Variants in PCM1 observed in about 807,000 individuals in gnomAD.
PCM1 encodes the protein pericentriolar material 1.
A neutral mutation model predicts 241.9 loss-of-function variants in PCM1; 157 were observed. The ratio of observed to expected loss-of-function variants is 0.65; its 90% confidence interval spans 0.57 to 0.74. The LOEUF is 0.74. PCM1 is among the 30% of genes least tolerant of loss of function. PCM1 has a pLI of 0.00. For synonymous variants in PCM1, 1,085 were observed against 784.9 expected (o/e 1.38, Z -6.39); for missense variants, 3,478 against 2,360.1 (o/e 1.47, Z -9.81).
intron 6 of PCM1, among the ~76,000 whole-genome samples, chr8:17,941,753 A>C (rs557407695): frequency 2.2e-4 from 33 of 152,020 alleles, no homozygotes; most frequent in African/African-American, 7.7e-4. Flanking sequence ...ACAAGTCCAA[A>C]AGGGAAAGGT....
intron 29 of PCM1, among the ~76,000 whole-genome samples, chr8:18,005,724 C>G (rs1250462600): frequency 6.6e-6 from 1 of 151,990 alleles, no homozygotes; most frequent in African/African-American, 2.4e-5. Context: ...TTCAGAATGT[C>G]TAAAGGTATT....
At chr8:17,950,938 A>G (rs775619531) in intron 8 of PCM1, among the ~76,000 whole-genome samples, 11 of 152,246 alleles carry the variant, frequency 7.2e-5, no homozygotes, top group Admixed American at 2.0e-4. Flanking sequence ...CCTGGGGACT[A>G]TACTTTAAGA....
Position 17,967,273 on chromosome 8 carries a change from G to A in PCM1, c.3412+103G>A, listed in dbSNP as rs141290560. The A allele has an allele frequency of 6.4e-4, 492 of 768,856 alleles. 1 individual carries two copies. The East Asian group carries it at 9.8e-3, about 15-fold the overall frequency. The allele number at this position is 768,856 out of a possible 1,614,324, so 47.6% of individuals were successfully genotyped here. A position where few individuals can be genotyped will look rare whatever the true frequency, so the allele number is the denominator to read the frequency against. On this transcript the variant is annotated intron_variant, in intron 21 of 38. Transcript: ENST00000325083. ...TTTTAACATTTTCTTTTGGAGTGGG[G>A]TAGGAAATGTTTGCAAAGAAAGTTA...
rs57224845 is a variant in PCM1 at position 17,960,533 on chromosome 8, C to CT, written c.2322+98dup. Reference sequence around the variant, plus strand: ...AGTACTCTTTTTTGTTTTTGTTTTTCTTTTTTTTTGAGGCAGAGTCTCACT... The same window carrying CT: ...AGTACTCTTTTTTGTTTTTGTTTTTCTTTTTTTTTTGAGGCAGAGTCTCACT... On this transcript the variant is annotated intron_variant, in intron 15 of 38. Coordinates refer to ENST00000325083, the MANE Select transcript of PCM1 (RefSeq NM_006197.4). 7.0e-4 allele frequency: 422 copies of CT among 604,126 alleles called. 7 individuals are homozygous for CT. The highest frequency in any genetic ancestry group is 2.3e-3 in the African/African-American group (97 of 42,352). The allele number at this position is 604,126 out of a possible 1,614,324, so 37.4% of individuals were successfully genotyped here.
chr8:18,011,752 A>C lies in PCM1; in HGVS notation c.5436A>C (p.Glu1812Asp). The change falls in exon 34 of 39, where the codon GAA (glutamate) becomes GAC (aspartate). Residue 1812 changes from glutamate (E) to aspartate (D), a missense_variant. Glu to Asp is a conservative substitution (Grantham distance 45). Transcript: ENST00000325083. ...AGGATGAAGAAATGGAAGAATTTGA[A>C]GAAGGCCCTGTGGATGTCCAGACTT... is the stretch of plus-strand genomic sequence containing the variant. ...ENEDEEMEEF[E>D]EGPVDVQTSL... is the part of the protein sequence containing the mutation. 1 of 1,613,844 alleles carries C rather than the reference A, an allele frequency of 6.2e-7. No homozygotes were observed. Among genetic ancestry groups the C allele is most frequent in the Non-Finnish European group, 8.5e-7 (1 of 1,179,796 alleles).
Position 18,009,546 on chromosome 8 carries a change from G to C in PCM1, c.4963-1G>C. On this transcript the variant is annotated splice_acceptor_variant, in intron 30 of 38. Coordinates refer to ENST00000325083, the MANE Select transcript of PCM1 (RefSeq NM_006197.4). LOFTEE classifies it high-confidence loss of function. ...AAATTATTTGGTTTATCTTTGAATAGGATTCACTGGCAAAATTTGCTGGCA... is the reference window on the plus strand; with the variant it reads ...AAATTATTTGGTTTATCTTTGAATACGATTCACTGGCAAAATTTGCTGGCA... The C allele has an allele frequency of 6.3e-7, 1 of 1,584,196 alleles. No individual in the cohort carries two copies. Among genetic ancestry groups the C allele is most frequent in the Non-Finnish European group, 8.6e-7 (1 of 1,162,134 alleles).
intron 29 of PCM1, among the ~76,000 whole-genome samples, chr8:18,000,684 C>T (rs1480279412): frequency 1.3e-5 from 2 of 152,062 alleles, no homozygotes; most frequent in African/African-American, 2.4e-5. Flanking sequence ...TGCAGTGGCG[C>T]GATCTCGGCT....
chr8:18,014,096 A>T (rs1433743366), intron 35 of PCM1, 60 bp downstream of exon 35: 12 of 185,536 alleles, frequency 6.5e-5, no homozygotes, highest in South Asian at 2.5e-4. Context: ...CTTTAAAGCT[A>T]AAAAAAAAAA....
chr8:18,011,477 AT>A lies in PCM1; in HGVS notation c.5350+115del, dbSNP rs993438690. ...TAAAATTAAGTGTCAAAGAACTCTG[AT>A]TTTGAATTTCACTGTGACCCTGACT... On this transcript the variant is annotated intron_variant, in intron 33 of 38. Coordinates refer to ENST00000325083, the MANE Select transcript of PCM1 (RefSeq NM_006197.4). 9.8e-6 allele frequency: 11 copies of A among 1,127,786 alleles called. No individual in the cohort carries two copies. The African/African-American group carries it at 1.8e-4, about 18-fold the overall frequency. 69.9% of individuals were successfully genotyped at this position (1,127,786 alleles called of 1,614,324 possible).
In PCM1 at chr8:17,957,320, G is replaced by T. The variant is rs753309844; in HGVS notation, c.1703G>T (p.Cys568Phe). The change falls in exon 12 of 39, where the codon TGT becomes TTT. Residue 568 changes from cysteine (C) to phenylalanine (F), a missense_variant. Physicochemically the swap from Cys to Phe is radical, Grantham distance 205 (BLOSUM62 -2). Coordinates refer to ENST00000325083, the MANE Select transcript of PCM1 (RefSeq NM_006197.4). Reference sequence around the variant, plus strand: ...GTAAATAGTCATAGTAATGCACAGTGTGTTTCTAATAATAGAGATGGGCGA... The same window carrying T: ...GTAAATAGTCATAGTAATGCACAGTTTGTTTCTAATAATAGAGATGGGCGA... ...NEVNSHSNAQ[C>F]VSNNRDGRTV... 14 of 1,611,554 alleles carry T rather than the reference G, an allele frequency of 8.7e-6. No individual in the cohort carries two copies. In the South Asian group the frequency reaches 1.5e-4, roughly 18 times the overall value.
At chr8:17,935,500 A>G (rs1267841772) in intron 2 of PCM1, 89 bp from the exon 3 acceptor site, 2 of 606,778 alleles carry the variant, frequency 3.3e-6, no homozygotes, top group Non-Finnish European at 6.1e-6. Flanking sequence ...CAGTGCTTCA[A>G]AGATTGTATT....
At position 17,960,378 on chromosome 8, in the gene PCM1, A is replaced by G; in HGVS notation, c.2256A>G (p.Glu752=). ...QQRELKQLQE[E]RKKLIDIQEK... is the part of the protein sequence containing the mutation. ...GAGAGCTAAAACAATTGCAGGAAGAAAGAAAGAAACTGATTGACATTCAGG... is the reference window on the plus strand; with the variant it reads ...GAGAGCTAAAACAATTGCAGGAAGAGAGAAAGAAACTGATTGACATTCAGG... The change falls in exon 15 of 39, where the codon GAA becomes GAG. Residue 752 remains glutamate, a synonymous_variant. Transcript: ENST00000325083. 1.2e-6 allele frequency: 2 copies of G among 1,609,258 alleles called. No homozygotes were observed. Among genetic ancestry groups the G allele is most frequent in the Non-Finnish European group, 1.7e-6 (2 of 1,178,504 alleles).
intron 8 of PCM1, among the ~76,000 whole-genome samples, chr8:17,951,768 T>C (rs11784021): frequency 0.43 from 65,933 of 151,956 alleles, 16,469 homozygotes; most frequent in Non-Finnish European, 0.58. Context: ...TTGGAAAGGG[T>C]ACAAACAGAG....
intron 21 of PCM1, among the ~76,000 whole-genome samples, chr8:17,967,636 A>G (rs1041695887): frequency 2.0e-5 from 3 of 152,188 alleles, no homozygotes; most frequent in Admixed American, 2.0e-4. Context: ...CCAAACTTTA[A>G]TAATACGGTT....
Position 17,962,002 on chromosome 8 carries a change from C to A in PCM1, c.2323-32C>A, listed in dbSNP as rs761682622. ...TGAAATTAATATAATTGCTTTAATT[C>A]CTCATAACGTTTTTTGTGAATTCCT... On this transcript the variant is annotated intron_variant, in intron 15 of 38. Transcript: ENST00000325083. 3.2e-6 allele frequency: 5 copies of A among 1,580,194 alleles called. No homozygotes were observed. The South Asian group carries it at 5.8e-5, about 18-fold the overall frequency.
intron 32 of PCM1, 134 bp from the exon 33 acceptor site, chr8:18,011,097 TTAAAAA>T: frequency 7.3e-6 from 4 of 549,968 alleles, no homozygotes; most frequent in Non-Finnish European, 1.2e-5. Flanking sequence ...CTTTTTTATT[TTAAAAA>T]TAAAACTAGA....
chr8:18,021,559 T>C (rs2093757214), intron 36 of PCM1, among the ~76,000 whole-genome samples: 2 of 152,232 alleles, frequency 1.3e-5, no homozygotes, highest in South Asian at 4.1e-4. Flanking sequence ...TTTATGGGGC[T>C]TTTCTGGAGA....
intron 29 of PCM1, among the ~76,000 whole-genome samples, chr8:17,994,094 G>A (rs1317884980): frequency 6.6e-6 from 1 of 152,068 alleles, no homozygotes; most frequent in East Asian, 1.9e-4. Context: ...ATTATTGACT[G>A]TAGTCACCCT....
chr8:18,009,601 C>T lies in PCM1; in HGVS notation c.5017C>T (p.Leu1673Phe). Reference sequence around the variant, plus strand: ...ACTGAAAGACTGTGGAGAAGATCTTCTTGTAGAGATATCTGAAGTGTTGTT... The same window carrying T: ...ACTGAAAGACTGTGGAGAAGATCTTTTTGTAGAGATATCTGAAGTGTTGTT... ...RKLKDCGEDL[L>F]VEISEVLFNE... The change falls in exon 31 of 39, where the codon CTT (leucine) becomes TTT (phenylalanine). Residue 1673 changes from leucine (L) to phenylalanine (F), a missense_variant. Transcript: ENST00000325083. 2 of 1,602,406 alleles carry T rather than the reference C, an allele frequency of 1.2e-6. No individual in the cohort carries two copies. The highest frequency in any genetic ancestry group is 1.7e-6 in the Non-Finnish European group (2 of 1,173,952).
Sources: gnomAD v4.1 joint callset for allele counts (sites outside exome capture counted in the v4.1 genomes callset) on GRCh38, gnomAD v4.1.1 for gene constraint, MANE v1.5 for transcripts, NCBI Gene and HGNC (gene_info 2026-07-23, HGNC 2026-07-21) for gene names.